CCSER2: variants seen among roughly 807,000 people sequenced by gnomAD.
CCSER2 encodes coiled-coil serine rich protein 2.
In CCSER2, 46 loss-of-function variants were observed where a neutral mutation model predicts 92.3. The ratio of observed to expected loss-of-function variants is 0.50; its 90% CI spans 0.39 to 0.64. The LOEUF is 0.64. Among genes scored for constraint, CCSER2 ranks in the 30% least tolerant of loss-of-function variants. The pLI is 0.00. For synonymous variants in CCSER2, 433 were observed against 431.4 expected, an observed-to-expected ratio of 1.00 and a Z score of -0.04; for missense variants, 1,244 against 1,238.9, an observed-to-expected ratio of 1.00 and a Z score of -0.06.
chr10:84,425,636 TTA>T (rs1463952412), intron 4 of CCSER2, 93 bp from the exon 5 acceptor site: 1 of 786,870 alleles, frequency 1.3e-6, no homozygotes, highest in East Asian at 3.2e-5. Context: ...ACTATTATTT[TTA>T]TTTGATTTAC....
chr10:84,510,793 T>G (rs978516075), intron 9 of CCSER2, among the ~76,000 whole-genome samples: 4 of 152,182 alleles, frequency 2.6e-5, no homozygotes, highest in African/African-American at 9.6e-5. Flanking sequence ...CTAGCAGGGG[T>G]AATTAGCGGC....
intron 9 of CCSER2, among the ~76,000 whole-genome samples, chr10:84,478,819 G>A (rs1277265328): frequency 6.6e-6 from 1 of 152,216 alleles, no homozygotes; most frequent in African/African-American, 2.4e-5. Flanking sequence ...AAGGAGCTTG[G>A]TGAAGAAAAT....
intron 9 of CCSER2, among the ~76,000 whole-genome samples, chr10:84,511,402 G>T (rs1033530284): frequency 6.6e-6 from 1 of 151,986 alleles, no homozygotes; most frequent in Non-Finnish European, 1.5e-5. Flanking sequence ...CTGGAGGTAG[G>T]TTGTCTTAAT....
At chr10:84,431,192 T>C (rs1410241756) in intron 5 of CCSER2, among the ~76,000 whole-genome samples, 1 of 152,208 alleles carries the variant, frequency 6.6e-6, no homozygotes, top group Non-Finnish European at 1.5e-5. Flanking sequence ...GACAAATGTA[T>C]AATGCCATAC....
intron 3 of CCSER2, chr10:84,393,878 A>G (rs966004632): frequency 2.6e-5 from 4 of 152,220 alleles, no homozygotes; most frequent in Admixed American, 2.6e-4. Flanking sequence ...GGGACAGCTT[A>G]TAGAAAGTTG....
intron 6 of CCSER2, chr10:84,452,079 G>T (rs1242898134): frequency 3.3e-5 from 5 of 152,200 alleles, no homozygotes; most frequent in Non-Finnish European, 7.3e-5. Context: ...AAATGTCTCT[G>T]TCCTCTTCCT....
intron 1 of CCSER2, among the ~76,000 whole-genome samples, chr10:84,351,282 C>T (rs758929568): frequency 7.9e-5 from 12 of 151,826 alleles, no homozygotes; most frequent in Non-Finnish European, 1.6e-4. Context: ...CCTCTGTCAC[C>T]CTGGCTGGAG....
chr10:84,331,486 G>A (rs1843560367), intron 1 of CCSER2, among the ~76,000 whole-genome samples: 1 of 152,144 alleles, frequency 6.6e-6, no homozygotes, highest in African/African-American at 2.4e-5. Flanking sequence ...ATCACCATAT[G>A]GACATCTCAC....
Position 84,463,986 on chromosome 10 carries a change from A to C in CCSER2, c.2118A>C (p.Pro706=), listed in dbSNP as rs1257711516. 1.2e-6 allele frequency: 2 copies of C among 1,610,118 alleles called. No homozygotes were observed. Among genetic ancestry groups the C allele is most frequent in the Non-Finnish European group, 1.7e-6 (2 of 1,176,690 alleles). Residue 706 remains proline (P), a synonymous_variant, in exon 7 of 10, where the codon CCA becomes CCC. Transcript: ENST00000372088. ...TTCAACTGTCATTGCCATCCAGTCC[A>C]GAACCAGAAGATGGTGATAAAGTAT... ...HDIQLSLPSS[P]EPEDGDKVYK...
At chr10:84,419,937 CAT>C (rs1843057470) in intron 4 of CCSER2, among the ~76,000 whole-genome samples, 1 of 152,156 alleles carries the variant, frequency 6.6e-6, no homozygotes, top group African/African-American at 2.4e-5. Context: ...AGAGGAAAAA[CAT>C]AAACCATTGG....
intron 1 of CCSER2, among the ~76,000 whole-genome samples, chr10:84,352,264 A>C (rs1373204179): frequency 6.6e-6 from 1 of 152,160 alleles, no homozygotes; most frequent in Non-Finnish European, 1.5e-5. Flanking sequence ...AGATTGCGTC[A>C]CTGCACTCCA....
At chr10:84,496,122 TTAAC>T (rs1268446098) in intron 9 of CCSER2, among the ~76,000 whole-genome samples, 2 of 152,114 alleles carry the variant, frequency 1.3e-5, no homozygotes, top group Admixed American at 6.5e-5. Flanking sequence ...ACATATATAT[TTAAC>T]TATATATAGT....
intron 9 of CCSER2, among the ~76,000 whole-genome samples, chr10:84,506,930 A>C (rs899166268): frequency 3.9e-5 from 6 of 152,156 alleles, no homozygotes; most frequent in African/African-American, 1.4e-4. Context: ...AAAACTTTTT[A>C]GGTATTTGGA....
chr10:84,500,070 C>T, intron 9 of CCSER2: 1 of 1,450,914 alleles, frequency 6.9e-7, no homozygotes, highest in South Asian at 1.2e-5. Context: ...GAGTGCTCTG[C>T]AGGCATCTGC....
intron 9 of CCSER2, among the ~76,000 whole-genome samples, chr10:84,495,777 T>C (rs1848414809): frequency 6.7e-6 from 1 of 148,462 alleles, no homozygotes; most frequent in Admixed American, 6.7e-5. Flanking sequence ...TTTCTTTTGT[T>C]TTTTTTTTTT....
intron 9 of CCSER2, among the ~76,000 whole-genome samples, chr10:84,488,668 T>G (rs993076612): frequency 6.6e-6 from 1 of 152,188 alleles, no homozygotes; most frequent in African/African-American, 2.4e-5. Context: ...ATATCAATTT[T>G]GTTGACATTT....
intron 1 of CCSER2, among the ~76,000 whole-genome samples, chr10:84,330,978 G>T (rs1209000743): frequency 6.6e-6 from 1 of 152,104 alleles, no homozygotes; most frequent in Non-Finnish European, 1.5e-5. Flanking sequence ...TTTCACTTTT[G>T]CCCCCAGTCT....
intron 1 of CCSER2, among the ~76,000 whole-genome samples, chr10:84,332,793 T>C (rs1843653787): frequency 6.6e-6 from 1 of 152,032 alleles, no homozygotes; most frequent in Non-Finnish European, 1.5e-5. Flanking sequence ...CCCATCTCTA[T>C]TTTAAAGAAA....
At chr10:84,479,636 A>G (rs142822249) in intron 9 of CCSER2, among the ~76,000 whole-genome samples, 120 of 152,338 alleles carry the variant, frequency 7.9e-4, no homozygotes, top group African/African-American at 2.8e-3. Flanking sequence ...TGTAAATATA[A>G]AGAAGAATAT....
Sources: allele counts gnomAD v4.1 joint callset (sites outside exome capture counted in the v4.1 genomes callset), GRCh38; gene constraint gnomAD v4.1.1; transcripts MANE v1.5; gene names NCBI Gene and HGNC (gene_info 2026-07-23, HGNC 2026-07-21).